SEPTIN14: variants seen among roughly 807,000 people sequenced by gnomAD.
SEPTIN14 encodes the protein septin 14.
SEPTIN14 carries 40 observed loss-of-function variants against 53.6 expected under a neutral mutation model. The observed-to-expected ratio is 0.75, with a 90% CI of 0.58 to 0.97. The LOEUF (loss-of-function observed/expected upper bound fraction) is 0.97, where lower values mean the gene tolerates loss of function less well. SEPTIN14 is among the 50% of genes least tolerant of loss of function. The pLI, the probability that SEPTIN14 is intolerant of heterozygous loss-of-function variation, is 0.00. For synonymous variants in SEPTIN14, 138 were observed against 166.8 expected (o/e 0.83, Z 1.33); for missense variants, 471 against 508.2 (o/e 0.93, Z 0.70).
In SEPTIN14 at chr7:55,834,489, C is replaced by T. The variant is rs149607538; in HGVS notation, c.656G>A (p.Gly219Asp). The part of the protein sequence containing the change: ...NKIMSELISN[G>D]IQIYQLPTDE... Reference sequence around the variant, plus strand: ...TGTTGGGAGCTGATATATCTGGATGCCATTGCTAATCAATTCACTCATTAT... The same window carrying T: ...TGTTGGGAGCTGATATATCTGGATGTCATTGCTAATCAATTCACTCATTAT... Residue 219 changes from glycine to aspartate, a missense_variant, in exon 6 of 10, where the codon GGC (glycine) becomes GAC (aspartate). Physicochemically the swap from Gly to Asp is moderately conservative, Grantham distance 94 (BLOSUM62 -1). Coordinates refer to ENST00000388975, the MANE Select transcript of SEPTIN14 (RefSeq NM_207366.3). 5.0e-6 allele frequency: 8 copies of T among 1,612,888 alleles called. No homozygotes were observed. The highest frequency in any genetic ancestry group is 6.8e-6 in the Non-Finnish European group (8 of 1,179,166).
intron 2 of SEPTIN14, among the ~76,000 whole-genome samples, chr7:55,858,440 C>A (rs965336111): frequency 6.6e-6 from 1 of 151,114 alleles, no homozygotes; most frequent in Non-Finnish European, 1.5e-5. Context: ...AGGGTGAAAT[C>A]ATCATCAGAA....
Position 55,861,937 on chromosome 7 carries a change from C to T in SEPTIN14, c.54+6G>A. ...TGCAGAGTTATATTTGAAAGATATA[C>T]TTAACTGTATCTCCATCAGCAGGTA... On this transcript the variant is annotated splice_donor_region_variant and intron_variant, in intron 2 of 9. Coordinates refer to ENST00000388975, the MANE Select transcript of SEPTIN14 (RefSeq NM_207366.3). 1 of 1,549,340 alleles carries T rather than the reference C, an allele frequency of 6.5e-7. No homozygotes were observed. Among genetic ancestry groups the T allele is most frequent in the Non-Finnish European group, 8.7e-7 (1 of 1,143,112 alleles).
chr7:55,794,550 G>A lies in SEPTIN14; in HGVS notation c.*1363C>T, dbSNP rs1430824065. The A allele has an allele frequency of 6.6e-6, 1 of 151,982 alleles. No homozygotes were observed. The highest frequency in any genetic ancestry group is 1.5e-5 in the Non-Finnish European group (1 of 68,028). 9.4% of individuals were successfully genotyped at this position (151,982 alleles called of 1,614,324 possible). Reference sequence around the variant, plus strand: ...AAGCAAAGATTCTGGTTCTTGTAGAGTTTCCATTAAAAGATCATTTAGTAA... The same window carrying A: ...AAGCAAAGATTCTGGTTCTTGTAGAATTTCCATTAAAAGATCATTTAGTAA... On this transcript the variant is annotated 3_prime_UTR_variant, in exon 10 of 10. Transcript: ENST00000388975.
intron 6 of SEPTIN14, among the ~76,000 whole-genome samples, chr7:55,830,165 G>A (rs1482644253): frequency 7.7e-5 from 11 of 143,406 alleles, no homozygotes; most frequent in African/African-American, 2.9e-4. Context: ...GCGACAGAGC[G>A]AGACTCTGTC....
At chr7:55,806,942 C>T in intron 8 of SEPTIN14, 148 bp downstream of exon 8, 1 of 541,840 alleles carries the variant, frequency 1.8e-6, no homozygotes, top group Non-Finnish European at 3.1e-6. Context: ...GTCAAAAGAT[C>T]ATAAAAACAC....
chr7:55,821,730 G>A (rs1788899377), intron 6 of SEPTIN14, among the ~76,000 whole-genome samples: 1 of 152,136 alleles, frequency 6.6e-6, no homozygotes, highest in African/African-American at 2.4e-5. Context: ...CAATTTATAT[G>A]GCTTTACAAA....
chr7:55,844,711 A>T lies in SEPTIN14; in HGVS notation c.183T>A (p.Thr61=). 1 of 1,572,780 alleles carries T rather than the reference A, an allele frequency of 6.4e-7. No homozygotes were observed. Among genetic ancestry groups the T allele is most frequent in the Middle Eastern group, 1.9e-4 (1 of 5,336 alleles). Residue 61 remains threonine (T), a synonymous_variant, in exon 4 of 10, where the codon ACT becomes ACA. Coordinates refer to ENST00000388975, the MANE Select transcript of SEPTIN14 (RefSeq NM_207366.3). The part of the protein sequence containing the change: ...FTFNILCVGE[T]GIGKSTLIDT... ...CTATCAGTGTCGATTTTCCAATTCC[A>T]GTCTCCCCTGTAATAGACATAGAGT...
At chr7:55,834,084 T>A (rs1789160620) in intron 6 of SEPTIN14, among the ~76,000 whole-genome samples, 1 of 152,106 alleles carries the variant, frequency 6.6e-6, no homozygotes, top group East Asian at 1.9e-4. Flanking sequence ...TAGGACCAGA[T>A]TACTTCATGG....
At position 55,856,547 on chromosome 7, in the gene SEPTIN14, A is replaced by G. The variant is rs200976650; in HGVS notation, c.54+5396T>C. ...GCTGAGATCACAGGTGCCCACCACC[A>G]CACCTGGCTAATTTTTTGTATTTTT... On this transcript the variant is annotated intron_variant, in intron 2 of 9. Transcript: ENST00000388975. Among the ~76,000 whole-genome samples the G allele has an allele frequency of 2.2e-4, 34 of 151,986 alleles. No homozygotes were observed. The East Asian group carries it at 6.5e-3, about 29-fold the overall frequency.
chr7:55,801,570 C>T (rs2115953341), intron 9 of SEPTIN14, among the ~76,000 whole-genome samples: 1 of 152,168 alleles, frequency 6.6e-6, no homozygotes, highest in Middle Eastern at 3.4e-3. Context: ...AAAAATGCTA[C>T]CAAAGAAAAG....
chr7:55,856,328 G>T (rs1789623567), intron 2 of SEPTIN14, among the ~76,000 whole-genome samples: 1 of 152,026 alleles, frequency 6.6e-6, no homozygotes, highest in Non-Finnish European at 1.5e-5. Flanking sequence ...CAGCACCCAT[G>T]TTGCTGCAAA....
chr7:55,858,288 A>G (rs756528503), intron 2 of SEPTIN14, among the ~76,000 whole-genome samples: 4 of 152,222 alleles, frequency 2.6e-5, no homozygotes, highest in Non-Finnish European at 4.4e-5. Context: ...GTGTTTGCCT[A>G]AGACTGGCAA....
chr7:55,825,961 G>A (rs569148710), intron 6 of SEPTIN14, among the ~76,000 whole-genome samples: 382 of 152,204 alleles, frequency 2.5e-3, no homozygotes, highest in Non-Finnish European at 4.4e-3. Flanking sequence ...AATTAGCTGG[G>A]CGTGGTGGCA....
At chr7:55,820,269 G>T (rs10228657) in intron 6 of SEPTIN14, among the ~76,000 whole-genome samples, 1 of 152,198 alleles carries the variant, frequency 6.6e-6, no homozygotes, top group Admixed American at 6.5e-5. Flanking sequence ...CCAAAGTGCT[G>T]AGATTACGGG....
At chr7:55,857,582 CTTT>C (rs1162739964) in intron 2 of SEPTIN14, among the ~76,000 whole-genome samples, 1,380 of 21,150 alleles carry the variant, frequency 0.065, 15 homozygotes, top group Non-Finnish European at 0.091. Context: ...GAGCCTGTGT[CTTT>C]TTTTTTTTTT....
chr7:55,839,853 A>G (rs1271920590), intron 5 of SEPTIN14, among the ~76,000 whole-genome samples: 1 of 152,216 alleles, frequency 6.6e-6, no homozygotes, highest in African/African-American at 2.4e-5. Context: ...GTGATTAAAA[A>G]GTGAGACTGG....
intron 9 of SEPTIN14, among the ~76,000 whole-genome samples, chr7:55,800,154 G>T (rs1398902122): frequency 1.3e-5 from 2 of 151,726 alleles, no homozygotes; most frequent in Non-Finnish European, 1.5e-5. Flanking sequence ...ATGAGTGGAT[G>T]AAAAAAAATG....
intron 7 of SEPTIN14, among the ~76,000 whole-genome samples, chr7:55,812,160 A>G (rs571439487): frequency 3.9e-5 from 6 of 152,226 alleles, no homozygotes; most frequent in African/African-American, 1.4e-4. Context: ...TAAGCATTTT[A>G]TTTTTCAGCA....
chr7:55,836,556 T>C (rs1243594502), intron 5 of SEPTIN14, among the ~76,000 whole-genome samples: 2 of 152,082 alleles, frequency 1.3e-5, no homozygotes, highest in African/African-American at 2.4e-5. Flanking sequence ...CTGACCAACA[T>C]GAACAAACCC....
Sources: allele counts gnomAD v4.1 joint callset (sites outside exome capture counted in the v4.1 genomes callset), GRCh38; gene constraint gnomAD v4.1.1; transcripts MANE v1.5; gene names NCBI Gene and HGNC (gene_info 2026-07-23, HGNC 2026-07-21).